The following SLC9A7 variants were observed in gnomAD, a reference collection of about 807,000 sequenced individuals.
The protein encoded by SLC9A7 is solute carrier family 9 member A7.
In SLC9A7, 19 loss-of-function variants were observed where a neutral mutation model predicts 52.6. The observed-to-expected ratio is 0.36, with a 90% confidence interval of 0.25 to 0.53. The LOEUF is 0.53. Among genes scored for constraint, SLC9A7 ranks in the 20% least tolerant of loss-of-function variants. The pLI is 0.91. For synonymous variants in SLC9A7, 226 were observed against 252.1 expected, an observed-to-expected ratio of 0.90 and a Z score of 0.98; for missense variants, 455 against 597.9, an observed-to-expected ratio of 0.76 and a Z score of 2.49.
At chrX:46,653,538 C>A in intron 8 of SLC9A7, 71 bp downstream of exon 8, 1 of 692,264 alleles carries the variant, frequency 1.4e-6, no homozygotes, top group South Asian at 2.5e-5. Context: ...AAGAATTCTT[C>A]CCTTCCTTCA....
At chrX:46,641,523 T>C (rs1477622841) in intron 12 of SLC9A7, among the ~76,000 whole-genome samples, 1 of 111,620 alleles carries the variant, frequency 9.0e-6, no homozygotes, top group African/African-American at 3.3e-5. Flanking sequence ...GTGTAGAGGG[T>C]AAACCTTTTT....
chrX:46,633,603 A>G (rs758736786), intron 13 of SLC9A7, among the ~76,000 whole-genome samples: 35 of 108,885 alleles, frequency 3.2e-4, no homozygotes, highest in Non-Finnish European at 6.5e-4. Context: ...AGGTAAAGCA[A>G]TGGGCCAGGG....
At chrX:46,725,514 G>T in intron 1 of SLC9A7, 4 of 971,230 alleles carry the variant, frequency 4.1e-6, no homozygotes, top group South Asian at 1.9e-5. Context: ...CGTGGTCTTG[G>T]TGTCCTTCAA....
chrX:46,648,950 G>C (rs1943538650), intron 10 of SLC9A7, among the ~76,000 whole-genome samples, 153 bp from the exon 11 acceptor site: 1 of 111,458 alleles, frequency 9.0e-6, no homozygotes, highest in Admixed American at 9.6e-5. Context: ...TTCCCCCCTA[G>C]ACAAGTTTCT....
intron 1 of SLC9A7, among the ~76,000 whole-genome samples, chrX:46,734,212 T>C (rs1045974384): frequency 2.1e-5 from 2 of 94,085 alleles, no homozygotes; most frequent in African/African-American, 7.7e-5. Flanking sequence ...AATTGCCCAG[T>C]TGAGAACCAT....
intron 13 of SLC9A7, 146 bp from the exon 14 acceptor site, chrX:46,631,795 C>A: frequency 2.2e-6 from 1 of 464,070 alleles, no homozygotes; most frequent in Admixed American, 3.6e-5. Context: ...GGAAAGCTGT[C>A]ATGCAGAAGT....
Position 46,730,669 on chromosome X carries a change from AT to A in SLC9A7, c.325+28035del, listed in dbSNP as rs1569524435. ...AGCGAGACTGTCTCAAAAAAAAAAA[AT>A]TATATATATATATATATATATATAT... On this transcript the variant is annotated intron_variant, in intron 1 of 16. Transcript: ENST00000616978. Among the ~76,000 whole-genome samples, 30 of 13,724 alleles carry A rather than the reference AT, an allele frequency of 2.2e-3. 1 individual carries two copies. Among genetic ancestry groups the A allele is most frequent in the African/African-American group, 4.1e-3 (29 of 7,074 alleles). The allele number at this position is 13,724 out of a possible 115,157, so 11.9% of individuals were successfully genotyped here.
intron 1 of SLC9A7, among the ~76,000 whole-genome samples, chrX:46,752,225 C>G (rs1556288666): frequency 1.8e-5 from 2 of 111,798 alleles, no homozygotes; most frequent in Non-Finnish European, 3.8e-5. Context: ...CTGAATACTT[C>G]AGCTTGCATC....
chrX:46,700,002 G>A (rs1046029112), intron 1 of SLC9A7, among the ~76,000 whole-genome samples: 11 of 109,642 alleles, frequency 1.0e-4, no homozygotes, highest in African/African-American at 3.3e-4. Context: ...CTACTCGGGA[G>A]GCTGAGATGG....
rs142577574 is a variant in SLC9A7 at position 46,759,030 on chromosome X, G to A, written c.-1C>T. On this transcript the variant is annotated 5_prime_UTR_variant, in exon 1 of 17. Transcript: ENST00000616978. ...GGCGCGCCGCGTCACCAGGCTCCAT[G>A]GTCCCGGGGCCCCCCGCGCCTCCTC... The A allele has an allele frequency of 0.013, 11,989 of 936,781 alleles. 826 individuals are homozygous for A. In the African/African-American group the frequency reaches 0.21, roughly 17 times the overall value. The allele number at this position is 936,781 out of a possible 1,213,427, so 77.2% of individuals were successfully genotyped here. A position where few individuals can be genotyped will look rare whatever the true frequency, so the allele number is the denominator to read the frequency against.
intron 1 of SLC9A7, among the ~76,000 whole-genome samples, chrX:46,719,695 G>A: frequency 9.0e-6 from 1 of 111,405 alleles, no homozygotes; most frequent in East Asian, 2.8e-4. Context: ...AAAATATTTT[G>A]TTGGTCTTGT....
At chrX:46,704,572 G>T (rs1394469616) in intron 1 of SLC9A7, among the ~76,000 whole-genome samples, 5 of 112,071 alleles carry the variant, frequency 4.5e-5, no homozygotes, top group Non-Finnish European at 5.6e-5. Context: ...TATCCTTTAT[G>T]CATTTACAAA....
chrX:46,638,156 C>A (rs1484575874), intron 12 of SLC9A7, among the ~76,000 whole-genome samples: 2 of 111,903 alleles, frequency 1.8e-5, no homozygotes, highest in African/African-American at 6.5e-5. Flanking sequence ...AGAATAAGAA[C>A]CTGGGTTACA....
chrX:46,725,925 A>G (rs1412945385), intron 1 of SLC9A7: 1 of 352,607 alleles, frequency 2.8e-6, no homozygotes, highest in Non-Finnish European at 5.1e-6. Context: ...AAGGGTTCAG[A>G]GCAGGGAGTC....
In SLC9A7 at chrX:46,682,414, C is replaced by A; in HGVS notation, c.447G>T (p.Lys149Asn). 1 of 1,211,315 alleles carries A rather than the reference C, an allele frequency of 8.3e-7. No homozygotes were observed. Among genetic ancestry groups the A allele is most frequent in the Non-Finnish European group, 1.1e-6 (1 of 895,296 alleles). ...FSTLLVNVSGKFFEYTLKGEI... is the reference protein window; with the variant it reads ...FSTLLVNVSGNFFEYTLKGEI... ...CTCCTTTCAGAGTGTATTCGAAGAA[C>A]TTTCCGCTGACATTCACTAATAAGG... The change falls in exon 2 of 17, where the codon AAG becomes AAT. Residue 149 changes from lysine to asparagine, a missense_variant. Physicochemically the swap from Lys to Asn is moderately conservative, Grantham distance 94 (BLOSUM62 0). This residue lies in a region of SLC9A7 where 304 missense variants were observed against 417.8 expected (regional missense o/e 0.73). Coordinates refer to ENST00000616978, the MANE Select transcript of SLC9A7 (RefSeq NM_001257291.2).
Position 46,613,307 on chromosome X carries a change from G to A in SLC9A7, c.1911C>T (p.Thr637=), listed in dbSNP as rs1942889294. The change falls in exon 16 of 17, where the codon ACC becomes ACT. Residue 637 remains threonine (T), a synonymous_variant. Transcript: ENST00000616978. ...TACTTACATCGTACACCTGGGGACTGGTCAGACATCGAGCTAGTAAGCCAC... is the reference window on the plus strand; with the variant it reads ...TACTTACATCGTACACCTGGGGACTAGTCAGACATCGAGCTAGTAAGCCAC... ...AWCGLLARCL[T]SPQVYDNQEP... is the part of the protein sequence containing the mutation. 1 of 1,204,764 alleles carries A rather than the reference G, an allele frequency of 8.3e-7. No homozygotes were observed. Among genetic ancestry groups the A allele is most frequent in the African/African-American group, 1.8e-5 (1 of 56,943 alleles).
At chrX:46,625,691 T>A (rs1353141738) in intron 14 of SLC9A7, among the ~76,000 whole-genome samples, 1 of 79,785 alleles carries the variant, frequency 1.3e-5, no homozygotes, top group South Asian at 6.2e-4. Context: ...GCCTGGGCAA[T>A]AGAGCAAGAC....
chrX:46,691,420 A>G (rs1251663987), intron 1 of SLC9A7, among the ~76,000 whole-genome samples: 1 of 112,110 alleles, frequency 8.9e-6, no homozygotes, highest in African/African-American at 3.2e-5. Flanking sequence ...GAGGAAGCAT[A>G]ATGGAGAAGA....
chrX:46,651,275 G>C (rs757542588), intron 9 of SLC9A7, 41 bp downstream of exon 9: 4 of 1,180,674 alleles, frequency 3.4e-6, no homozygotes, highest in East Asian at 3.0e-5. Flanking sequence ...CCCCTTCCCT[G>C]TGTTAACAAG....
Sources: allele counts gnomAD v4.1 joint callset (sites outside exome capture counted in the v4.1 genomes callset), GRCh38; gene constraint gnomAD v4.1.1; regional missense constraint gnomAD v4.1.1; transcripts MANE v1.5; gene names NCBI Gene and HGNC (gene_info 2026-07-23, HGNC 2026-07-21).